Variants in ADAMTSL1 observed in about 807,000 individuals in gnomAD.
The protein encoded by ADAMTSL1 is ADAMTS-like protein 1.
ADAMTSL1 carries 126 observed loss-of-function variants against 201.8 expected under a neutral mutation model. That is an observed-to-expected ratio of 0.62 (90% CI 0.54 to 0.72). The LOEUF (loss-of-function observed/expected upper bound fraction) is 0.72. ADAMTSL1 is among the 30% of genes least tolerant of loss of function. The probability of loss-of-function intolerance (pLI) is 0.00; values close to 1 mark genes in which losing one functional copy is unlikely to be tolerated. For synonymous variants in ADAMTSL1, 1,121 were observed against 903.4 expected (o/e 1.24, Z -4.32); for missense variants, 2,679 against 2,277.8 (o/e 1.18, Z -3.59).
intron 5 of ADAMTSL1, among the ~76,000 whole-genome samples, chr9:18,635,030 A>G (rs557892324): frequency 1.3e-5 from 2 of 151,702 alleles, no homozygotes; most frequent in South Asian, 2.1e-4. Context: ...CTTTCTATCC[A>G]TTTGATCTTG....
chr9:18,177,941 C>T (rs1295650981), intron 2 of ADAMTSL1, among the ~76,000 whole-genome samples: 3 of 152,176 alleles, frequency 2.0e-5, no homozygotes, highest in African/African-American at 7.2e-5. Flanking sequence ...ACGATGAATA[C>T]AAAATTCACT....
At chr9:18,321,890 G>A (rs1834637813) in intron 2 of ADAMTSL1, among the ~76,000 whole-genome samples, 1 of 152,164 alleles carries the variant, frequency 6.6e-6, no homozygotes, top group South Asian at 2.1e-4. Context: ...TATGCTATAT[G>A]ATAAACTAAG....
Position 18,718,489 on chromosome 9 carries a change from G to A in ADAMTSL1, c.1877-3047G>A, listed in dbSNP as rs62551693. 128 of 568,534 alleles carry A rather than the reference G, an allele frequency of 2.3e-4. 1 individual carries two copies. Among genetic ancestry groups the A allele is most frequent in the African/African-American group, 1.9e-3 (102 of 53,256 alleles). 35.2% of individuals were successfully genotyped at this position (568,534 alleles called of 1,614,324 possible). A position where few individuals can be genotyped will look rare whatever the true frequency, so the allele number is the denominator to read the frequency against. On this transcript the variant is annotated intron_variant, in intron 14 of 28. Coordinates refer to ENST00000380548, the MANE Select transcript of ADAMTSL1 (RefSeq NM_001040272.6). Reference sequence around the variant, plus strand: ...GTACATTCAAAGCAGACTTTCCAACGCCTCCTGGGCCAAGAATGACTAGCT... The same window carrying A: ...GTACATTCAAAGCAGACTTTCCAACACCTCCTGGGCCAAGAATGACTAGCT...
chr9:18,845,814 C>G (rs1317347420), intron 23 of ADAMTSL1, among the ~76,000 whole-genome samples: 1 of 152,172 alleles, frequency 6.6e-6, no homozygotes, highest in East Asian at 1.9e-4. Context: ...TAATATCACG[C>G]TGGTATGAAA....
chr9:18,775,997 A>G, intron 18 of ADAMTSL1, 101 bp downstream of exon 18: 1 of 1,437,472 alleles, frequency 7.0e-7, no homozygotes, highest in Non-Finnish European at 9.4e-7. Context: ...CCTGTGGGAA[A>G]TAGTGGGACA....
chr9:18,068,123 G>T (rs374195248), intron 1 of ADAMTSL1, among the ~76,000 whole-genome samples: 2 of 152,078 alleles, frequency 1.3e-5, no homozygotes, highest in African/African-American at 2.4e-5. Flanking sequence ...GGCCAAAAAC[G>T]TACTTCCTGT....
At chr9:18,868,117 T>C (rs749292052) in intron 23 of ADAMTSL1, among the ~76,000 whole-genome samples, 2 of 152,246 alleles carry the variant, frequency 1.3e-5, no homozygotes, top group East Asian at 3.8e-4. Context: ...CTATTGATCC[T>C]ATCCAGTGAA....
intron 2 of ADAMTSL1, among the ~76,000 whole-genome samples, chr9:18,259,980 T>TA (rs1831852857): frequency 6.6e-6 from 1 of 152,242 alleles, no homozygotes; most frequent in African/African-American, 2.4e-5. Context: ...AATTTGCTGA[T>TA]ACTACCCCTC....
At chr9:17,978,780 C>G (rs1395983331) in intron 1 of ADAMTSL1, among the ~76,000 whole-genome samples, 1 of 151,234 alleles carries the variant, frequency 6.6e-6, no homozygotes, top group South Asian at 2.1e-4. Context: ...TTTTTTTTAC[C>G]ATCATATATT....
intron 3 of ADAMTSL1, among the ~76,000 whole-genome samples, chr9:18,561,999 T>C (rs889934598): frequency 6.6e-6 from 1 of 152,222 alleles, no homozygotes; most frequent in Non-Finnish European, 1.5e-5. Context: ...TGTCTTTTAA[T>C]TGGGGCATTT....
chr9:18,221,492 A>G (rs1830258514), intron 2 of ADAMTSL1, among the ~76,000 whole-genome samples: 1 of 152,002 alleles, frequency 6.6e-6, no homozygotes, highest in East Asian at 1.9e-4. Context: ...TTATCTCTCT[A>G]TACTGCACTA....
chr9:18,443,344 C>T (rs1820069382), intron 2 of ADAMTSL1, among the ~76,000 whole-genome samples: 1 of 152,176 alleles, frequency 6.6e-6, no homozygotes, highest in Admixed American at 6.5e-5. Context: ...GCTGAGGATA[C>T]ATTACTTTTT....
Position 18,908,719 on chromosome 9 carries a change from T to G in ADAMTSL1, c.*171T>G. On this transcript the variant is annotated 3_prime_UTR_variant, in exon 29 of 29. Transcript: ENST00000380548. ...CTTCAAGCATAAGGACGTCCGCGTG[T>G]TTTCTCTTTCAGTTAGCTGGAGGAC... 1 of 578,014 alleles carries G rather than the reference T, an allele frequency of 1.7e-6. No individual in the cohort carries two copies. The highest frequency in any genetic ancestry group is 2.1e-5 in the South Asian group (1 of 48,664). The allele number at this position is 578,014 out of a possible 1,614,324, so 35.8% of individuals were successfully genotyped here.
chr9:18,728,651 G>C (rs892918136), intron 15 of ADAMTSL1, among the ~76,000 whole-genome samples: 1 of 152,182 alleles, frequency 6.6e-6, no homozygotes, highest in Non-Finnish European at 1.5e-5. Context: ...CTGAGAGAAG[G>C]CTTCCTGGAG....
intron 2 of ADAMTSL1, among the ~76,000 whole-genome samples, chr9:18,430,769 G>A (rs1353799760): frequency 1.3e-5 from 2 of 152,134 alleles, no homozygotes; most frequent in African/African-American, 4.8e-5. Flanking sequence ...CATCTCAAAG[G>A]GATAAATAAA....
At chr9:18,851,692 G>A (rs887966037) in intron 23 of ADAMTSL1, among the ~76,000 whole-genome samples, 1 of 152,158 alleles carries the variant, frequency 6.6e-6, no homozygotes, top group African/African-American at 2.4e-5. Flanking sequence ...CCCTTGGGGT[G>A]GGCTGTCAGC....
At chr9:18,068,953 T>C (rs1269036234) in intron 1 of ADAMTSL1, among the ~76,000 whole-genome samples, 1 of 152,130 alleles carries the variant, frequency 6.6e-6, no homozygotes, top group Non-Finnish European at 1.5e-5. Flanking sequence ...GAGGTGGTCC[T>C]TGAGGTAAAG....
chr9:18,841,161 T>C (rs1001260008), intron 23 of ADAMTSL1, among the ~76,000 whole-genome samples: 54 of 151,466 alleles, frequency 3.6e-4, no homozygotes, highest in Non-Finnish European at 6.2e-4. Context: ...CAGTATGATA[T>C]TGGCTGTGGG....
intron 2 of ADAMTSL1, among the ~76,000 whole-genome samples, chr9:18,400,155 T>C (rs1817930077): frequency 6.6e-6 from 1 of 152,192 alleles, no homozygotes; most frequent in Non-Finnish European, 1.5e-5. Flanking sequence ...TTTTTTCTTT[T>C]TTTTACCCTA....
Sources: allele counts gnomAD v4.1 joint callset (sites outside exome capture counted in the v4.1 genomes callset), GRCh38; gene constraint gnomAD v4.1.1; transcripts MANE v1.5; gene names NCBI Gene and HGNC (gene_info 2026-07-23, HGNC 2026-07-21).